The following RTTN variants were observed in gnomAD, a reference collection of about 807,000 sequenced individuals.
RTTN encodes the protein rotatin.
RTTN carries 182 observed loss-of-function variants against 269.2 expected under a neutral mutation model. The ratio of observed to expected loss-of-function variants is 0.68; its 90% confidence interval spans 0.60 to 0.76. RTTN has a LOEUF of 0.76. Ranked by LOEUF, RTTN falls within the 30% of genes least tolerant of loss-of-function variation. The pLI is 0.00. For missense variants in RTTN, 2,545 were observed against 2,608.6 expected (o/e 0.98, Z 0.53); for synonymous variants, 1,006 against 963.5 (o/e 1.04, Z -0.82).
At chr18:70,144,358 T>C (rs186020661) in intron 18 of RTTN, among the ~76,000 whole-genome samples, 3 of 152,224 alleles carry the variant, frequency 2.0e-5, no homozygotes, top group East Asian at 3.9e-4. Context: ...GGCCTCTCCA[T>C]TCTTTCTTTT....
At chr18:70,093,450 G>C (rs942757338) in intron 28 of RTTN, among the ~76,000 whole-genome samples, 6 of 152,080 alleles carry the variant, frequency 3.9e-5, no homozygotes, top group Admixed American at 6.5e-5. Context: ...GTCACAAATA[G>C]GTCTTATTAT....
At chr18:70,100,806 A>G (rs187806441) in intron 28 of RTTN, among the ~76,000 whole-genome samples, 59 of 152,298 alleles carry the variant, frequency 3.9e-4, no homozygotes, top group Admixed American at 9.2e-4. Flanking sequence ...AATTTTGTCA[A>G]TGGCCTTTTC....
At chr18:70,074,691 T>C (rs936441563) in intron 33 of RTTN, 2 of 151,706 alleles carry the variant, frequency 1.3e-5, no homozygotes, top group African/African-American at 4.8e-5. Context: ...AAAAAATTAT[T>C]ATAAAAATGA....
rs539495987 is a variant in RTTN, at chr18:70,099,634, T to C, written c.3904-6830A>G. ...CTTTTGTTGCCATTGCTTTTGGTAT[T>C]TTAGTCATGAAGTCCTTGCCCATGC... On this transcript the variant is annotated intron_variant, in intron 28 of 48. Coordinates refer to ENST00000640769, the MANE Select transcript of RTTN (RefSeq NM_173630.4). 3.3e-5 allele frequency among the ~76,000 whole-genome samples: 5 copies of C among 152,312 alleles called. No homozygotes were observed. The East Asian group carries it at 9.6e-4, about 29-fold the overall frequency.
In RTTN at chr18:70,193,395, A is replaced by G; in HGVS notation, c.900T>C (p.His300=). 2 of 1,607,740 alleles carry G rather than the reference A, an allele frequency of 1.2e-6. No homozygotes were observed. Among genetic ancestry groups the G allele is most frequent in the Non-Finnish European group, 1.7e-6 (2 of 1,177,424 alleles). Residue 300 remains histidine (H), a synonymous_variant, in exon 8 of 49, where the codon CAT becomes CAC. Transcript: ENST00000640769. ...SYCHEARGTH[H]SQNPSPGSSS... Reference sequence around the variant, plus strand: ...TGCTTCCTGGGGAAGGATTCTGGGAATGATGAGTACCTCTTGCTTCATGAC... The same window carrying G: ...TGCTTCCTGGGGAAGGATTCTGGGAGTGATGAGTACCTCTTGCTTCATGAC...
intron 46 of RTTN, among the ~76,000 whole-genome samples, chr18:70,013,735 T>C (rs2056462792): frequency 6.6e-6 from 1 of 152,208 alleles, no homozygotes; most frequent in African/African-American, 2.4e-5. Context: ...AGTATAAGTT[T>C]AGGGATGTCA....
At chr18:70,108,911 C>T (rs546613899) in intron 28 of RTTN, among the ~76,000 whole-genome samples, 2 of 151,548 alleles carry the variant, frequency 1.3e-5, no homozygotes, top group African/African-American at 4.8e-5. Flanking sequence ...AAATTAAAGG[C>T]TTTTGTTTTG....
At chr18:70,187,460 A>G (rs9953130) in intron 10 of RTTN, among the ~76,000 whole-genome samples, 2,911 of 152,268 alleles carry the variant, frequency 0.019, 81 homozygotes, top group African/African-American at 0.066. Context: ...GATGGGAGAG[A>G]GGCATCTCTG....
Position 70,017,552 on chromosome 18 carries a change from T to C in RTTN, c.6276A>G (p.Gln2092=), listed in dbSNP as rs2056577786. ...LLNISSGEDG[Q]QMILRLDGCL... ...AGCCATCAAGCCTCAGAATCATTTGTTGCCCATCTTCTCCAGATGATATAT... is the reference window on the plus strand; with the variant it reads ...AGCCATCAAGCCTCAGAATCATTTGCTGCCCATCTTCTCCAGATGATATAT... The change falls in exon 46 of 49, where the codon CAA becomes CAG. Residue 2092 remains glutamine (Q), a synonymous_variant. Transcript: ENST00000640769. 3 of 1,614,094 alleles carry C rather than the reference T, an allele frequency of 1.9e-6. No homozygotes were observed. Among genetic ancestry groups the C allele is most frequent in the East Asian group, 2.2e-5 (1 of 44,866 alleles).
At chr18:70,108,425 T>C (rs1376898315) in intron 28 of RTTN, among the ~76,000 whole-genome samples, 1 of 152,154 alleles carries the variant, frequency 6.6e-6, no homozygotes, top group Non-Finnish European at 1.5e-5. Flanking sequence ...AAGAAAGTTA[T>C]ATAAAGGAAA....
rs1198563805 is a variant in RTTN, at chr18:70,153,953, T to C, written c.1930-3220A>G. On this transcript the variant is annotated intron_variant, in intron 14 of 48. Transcript: ENST00000640769. Reference sequence around the variant, plus strand: ...TTTGCAAGAACAGTGTCAACTAATATAAATTTCCAAATAGTTAACAAGAAA... The same window carrying C: ...TTTGCAAGAACAGTGTCAACTAATACAAATTTCCAAATAGTTAACAAGAAA... 2.6e-5 allele frequency among the ~76,000 whole-genome samples: 4 copies of C among 152,228 alleles called. No individual in the cohort carries two copies. In the East Asian group the frequency reaches 5.8e-4, roughly 22 times the overall value.
intron 28 of RTTN, among the ~76,000 whole-genome samples, chr18:70,105,087 C>G (rs949087104): frequency 6.6e-5 from 10 of 152,216 alleles, no homozygotes; most frequent in African/African-American, 2.4e-4. Context: ...CTATGCCCTG[C>G]CCCCAGAAGT....
intron 30 of RTTN, 47 bp downstream of exon 30, chr18:70,092,063 T>G: frequency 7.7e-7 from 1 of 1,306,654 alleles, no homozygotes. Flanking sequence ...CCGTGTCATT[T>G]GTTTTTTAAT....
intron 8 of RTTN, 21 bp from the exon 9 acceptor site, chr18:70,190,740 A>G (rs758361293): frequency 6.4e-7 from 1 of 1,563,950 alleles, no homozygotes. Flanking sequence ...AACAAATGAT[A>G]AACCTTGCAT....
Position 70,075,481 on chromosome 18 carries a change from C to G in RTTN, c.4435G>C (p.Ala1479Pro), listed in dbSNP as rs760952296. 3 of 1,604,478 alleles carry G rather than the reference C, an allele frequency of 1.9e-6. No individual in the cohort carries two copies. Among genetic ancestry groups the G allele is most frequent in the East Asian group, 2.3e-5 (1 of 44,330 alleles). ...TAAAAATGGCAGTGATATAAAAGAG[C>G]CTGAAGGGCAGGTTTTCCAATGAGC... ...LSLIGKPALQ[A>P]LLYHCHFYEH... Residue 1479 changes from alanine to proline, a missense_variant, in exon 33 of 49, where the codon GCT becomes CCT. By Grantham distance (27) the Ala-to-Pro change is conservative. Coordinates refer to ENST00000640769, the MANE Select transcript of RTTN (RefSeq NM_173630.4).
intron 5 of RTTN, 120 bp downstream of exon 5, chr18:70,199,294 T>C (rs765450959): frequency 5.7e-6 from 3 of 529,974 alleles, no homozygotes; most frequent in Non-Finnish European, 9.6e-6. Context: ...CATTTAAATA[T>C]GACCATTACT....
chr18:70,107,176 A>G (rs1217052173), intron 28 of RTTN, among the ~76,000 whole-genome samples: 1 of 152,160 alleles, frequency 6.6e-6, no homozygotes, highest in Admixed American at 6.5e-5. Context: ...GCAGTTTTAT[A>G]AGCTGTAGCT....
intron 14 of RTTN, among the ~76,000 whole-genome samples, chr18:70,161,362 C>T (rs2060824762): frequency 6.6e-6 from 1 of 152,106 alleles, no homozygotes; most frequent in Non-Finnish European, 1.5e-5. Context: ...ATGGATTAGA[C>T]TTAAATGTAA....
chr18:70,040,234 A>G (rs2057299810), intron 40 of RTTN, among the ~76,000 whole-genome samples: 1 of 152,160 alleles, frequency 6.6e-6, no homozygotes, highest in Non-Finnish European at 1.5e-5. Flanking sequence ...CAAGAAACAT[A>G]TTTCACCAAT....
Sources: allele counts gnomAD v4.1 joint callset (sites outside exome capture counted in the v4.1 genomes callset), GRCh38; gene constraint gnomAD v4.1.1; transcripts MANE v1.5; gene names NCBI Gene and HGNC (gene_info 2026-07-23, HGNC 2026-07-21).